MACROD2: variants seen among roughly 807,000 people sequenced by gnomAD.
MACROD2 encodes mono-ADP ribosylhydrolase 2.
A neutral mutation model predicts 70.4 loss-of-function variants in MACROD2; 36 were observed. The ratio of observed to expected loss-of-function variants is 0.51; its 90% CI spans 0.39 to 0.68. The LOEUF (loss-of-function observed/expected upper bound fraction) is 0.68. MACROD2 is among the 30% of genes least tolerant of loss of function. The pLI, the probability that MACROD2 is intolerant of heterozygous loss-of-function variation, is 0.00. For synonymous variants in MACROD2, 172 were observed against 178.8 expected, an observed-to-expected ratio of 0.96 and a Z score of 0.30; for missense variants, 496 against 538.4, an observed-to-expected ratio of 0.92 and a Z score of 0.78.
At chr20:15,149,110 GT>G (rs542994656) in intron 5 of MACROD2, among the ~76,000 whole-genome samples, 2 of 152,064 alleles carry the variant, frequency 1.3e-5, no homozygotes. Flanking sequence ...CTTGGGGCAT[GT>G]TGAGTAAAGC....
intron 2 of MACROD2, among the ~76,000 whole-genome samples, chr20:14,080,620 G>T (rs981161513): frequency 2.0e-5 from 3 of 151,666 alleles, no homozygotes; most frequent in South Asian, 2.1e-4. Context: ...TGAGTGGAGA[G>T]AAAATTTATG....
At chr20:14,515,465 G>GCGCGCGCACACA (rs1369248292) in intron 4 of MACROD2, among the ~76,000 whole-genome samples, 1 of 127,066 alleles carries the variant, frequency 7.9e-6, no homozygotes, top group Admixed American at 7.6e-5. Flanking sequence ...ACACACACAC[G>GCGCGCGCACACA]CACACACACA....
Position 16,051,270 on chromosome 20 carries a change from A to G in MACROD2, c.*1394A>G, listed in dbSNP as rs2067455214. 6.6e-6 allele frequency: 1 copy of G among 152,212 alleles called. No homozygotes were observed. The highest frequency in any genetic ancestry group is 1.9e-4 in the East Asian group (1 of 5,200). The allele number at this position is 152,212 out of a possible 1,614,324, so 9.4% of individuals were successfully genotyped here. A position where few individuals can be genotyped will look rare whatever the true frequency, so the allele number is the denominator to read the frequency against. On this transcript the variant is annotated 3_prime_UTR_variant, in exon 18 of 18. Coordinates refer to ENST00000684519, the MANE Select transcript of MACROD2 (RefSeq NM_001351661.2). Reference sequence around the variant, plus strand: ...TATTGTTTTTCCTTAACAGAGGGAGAAAAATAGTGGATTATTATTTCTAAA... The same window carrying G: ...TATTGTTTTTCCTTAACAGAGGGAGGAAAATAGTGGATTATTATTTCTAAA...
Position 14,639,304 on chromosome 20 carries a change from A to G in MACROD2, c.302-45539A>G, listed in dbSNP as rs74510896. ...TTACCTTTAAAGAAGTTAACACATC[A>G]TTAAGATCTAGGTACCTTCTTCAAC... is the stretch of plus-strand genomic sequence containing the variant. On this transcript the variant is annotated intron_variant, in intron 4 of 17. Transcript: ENST00000684519. Among the ~76,000 whole-genome samples, 818 of 152,206 alleles carry G rather than the reference A, an allele frequency of 5.4e-3. 15 individuals carry two copies. Among genetic ancestry groups the G allele is most frequent in the African/African-American group, 0.018 (762 of 41,522 alleles).
intron 4 of MACROD2, among the ~76,000 whole-genome samples, chr20:14,676,714 A>G (rs146126116): frequency 6.6e-6 from 1 of 152,192 alleles, no homozygotes. Flanking sequence ...ATTAACTAAC[A>G]TCAGAGCAGA....
At chr20:15,968,298 T>TCACAGTTTCCAGAGCTCAAAAGGG (rs2066173349) in intron 13 of MACROD2, among the ~76,000 whole-genome samples, 1 of 152,072 alleles carries the variant, frequency 6.6e-6, no homozygotes, top group African/African-American at 2.4e-5. Flanking sequence ...GAAAATGGAG[T>TCACAGTTTCCAGAGCTCAAAAGGG]CACAGTTTCC....
chr20:14,279,974 G>C (rs2082293573), intron 3 of MACROD2, among the ~76,000 whole-genome samples: 1 of 152,032 alleles, frequency 6.6e-6, no homozygotes, highest in African/African-American at 2.4e-5. Context: ...CCTACCCTAT[G>C]GGATAGTCTT....
Position 14,865,149 on chromosome 20 carries a change from G to C in MACROD2, c.418+180190G>C, listed in dbSNP as rs1351711862. ...AGCCTCCCATGTCTGACTGCTAACA[G>C]TTGGGTCAATGGTAGGCATTGTCAG... On this transcript the variant is annotated intron_variant, in intron 5 of 17. Transcript: ENST00000684519. 2.6e-5 allele frequency among the ~76,000 whole-genome samples: 4 copies of C among 152,056 alleles called. No homozygotes were observed. The East Asian group carries it at 7.7e-4, about 29-fold the overall frequency.
At chr20:14,040,028 T>C (rs1309916060) in intron 2 of MACROD2, among the ~76,000 whole-genome samples, 2 of 152,126 alleles carry the variant, frequency 1.3e-5, no homozygotes, top group Non-Finnish European at 2.9e-5. Flanking sequence ...AGAAAGAAGG[T>C]AGGCCTTTAG....
At chr20:15,412,931 A>G (rs2046097922) in intron 6 of MACROD2, among the ~76,000 whole-genome samples, 2 of 152,230 alleles carry the variant, frequency 1.3e-5, no homozygotes, top group African/African-American at 4.8e-5. Flanking sequence ...GTGCCCAAAG[A>G]TGGTCATATC....
chr20:15,333,074 G>C (rs1239073440), intron 6 of MACROD2, among the ~76,000 whole-genome samples: 1 of 151,588 alleles, frequency 6.6e-6, no homozygotes, highest in Non-Finnish European at 1.5e-5. Context: ...AATGAAAGTA[G>C]AGTTCTTTCA....
intron 6 of MACROD2, among the ~76,000 whole-genome samples, chr20:15,357,795 ATTCTTTTTT>A (rs1198491723): frequency 9.1e-6 from 1 of 109,558 alleles, no homozygotes; most frequent in African/African-American, 3.7e-5. Flanking sequence ...CTGTTCATTC[ATTCTTTTTT>A]TTTTTTTTTT....
intron 4 of MACROD2, among the ~76,000 whole-genome samples, chr20:14,502,432 G>T (rs889761377): frequency 3.3e-5 from 5 of 152,058 alleles, no homozygotes; most frequent in Non-Finnish European, 5.9e-5. Flanking sequence ...ATCCCTTATT[G>T]CTGCAGCTCT....
At chr20:14,970,593 G>A (rs945287243) in intron 5 of MACROD2, among the ~76,000 whole-genome samples, 2 of 152,026 alleles carry the variant, frequency 1.3e-5, no homozygotes, top group Non-Finnish European at 2.9e-5. Flanking sequence ...TATGAATAAT[G>A]TCTTTATTTT....
intron 10 of MACROD2, among the ~76,000 whole-genome samples, chr20:15,929,059 C>T (rs1257623359): frequency 6.6e-6 from 1 of 151,950 alleles, no homozygotes. Flanking sequence ...AAATGCAGTC[C>T]CCTACAACAA....
At chr20:14,953,118 C>T (rs976987133) in intron 5 of MACROD2, among the ~76,000 whole-genome samples, 1 of 151,908 alleles carries the variant, frequency 6.6e-6, no homozygotes, top group African/African-American at 2.4e-5. Context: ...AAAAAAGGGC[C>T]TGGTCATCTT....
At chr20:15,339,423 A>G (rs1478542435) in intron 6 of MACROD2, among the ~76,000 whole-genome samples, 3 of 151,870 alleles carry the variant, frequency 2.0e-5, no homozygotes, top group Non-Finnish European at 4.4e-5. Context: ...CTGGTAAGTC[A>G]TAAGCCCCAG....
intron 6 of MACROD2, among the ~76,000 whole-genome samples, chr20:15,431,058 A>G (rs2046358111): frequency 6.6e-6 from 1 of 152,028 alleles, no homozygotes; most frequent in African/African-American, 2.4e-5. Flanking sequence ...AAATGTGCAA[A>G]GTAATTAGAA....
intron 3 of MACROD2, among the ~76,000 whole-genome samples, chr20:14,091,231 A>G (rs1487305144): frequency 6.6e-6 from 1 of 152,072 alleles, no homozygotes; most frequent in East Asian, 1.9e-4. Flanking sequence ...TGCTGGGCAG[A>G]AGTTTTTTAG....
Sources: allele counts gnomAD v4.1 joint callset (sites outside exome capture counted in the v4.1 genomes callset), GRCh38; gene constraint gnomAD v4.1.1; transcripts MANE v1.5; gene names NCBI Gene and HGNC (gene_info 2026-07-23, HGNC 2026-07-21).